Variants in CFAP95 observed in about 807,000 individuals in gnomAD.
The protein encoded by CFAP95 is cilia- and flagella-associated protein 95.
chr9:69,904,956 G>A, the CFAP95 span, among the ~76,000 whole-genome samples: 7 of 152,110 alleles, frequency 4.6e-5, no homozygotes, highest in African/African-American at 1.7e-4. Flanking sequence ...TGTAGTCCTG[G>A]CTTAGTCGCT....
At chr9:69,843,509 CCTCCTCCTCCTCCT>C in the CFAP95 span, among the ~76,000 whole-genome samples, 13 of 952 alleles carry the variant, frequency 0.014, no homozygotes, top group Non-Finnish European at 0.029. Flanking sequence ...CTCCCCCCCT[CCTCCTCCTCCTCCT>C]CCTCCTCCTC....
At chr9:69,859,411 A>G in the CFAP95 span, among the ~76,000 whole-genome samples, 40 of 152,032 alleles carry the variant, frequency 2.6e-4, no homozygotes, top group Non-Finnish European at 5.6e-4. Context: ...GAAAGTTTTA[A>G]TGATAGCTTT....
At chr9:69,823,520 A>G in the CFAP95 span, among the ~76,000 whole-genome samples, 1 of 152,180 alleles carries the variant, frequency 6.6e-6, no homozygotes, top group Non-Finnish European at 1.5e-5. Flanking sequence ...GCAACTGTAA[A>G]ATGGGGATGA....
chr9:69,846,881 G>A, the CFAP95 span, among the ~76,000 whole-genome samples: 3 of 152,226 alleles, frequency 2.0e-5, no homozygotes, highest in Non-Finnish European at 4.4e-5. Context: ...AAACCAGTAT[G>A]AGTAGTTATG....
chr9:69,849,221 C>G, the CFAP95 span, among the ~76,000 whole-genome samples: 3 of 152,070 alleles, frequency 2.0e-5, no homozygotes, highest in Non-Finnish European at 4.4e-5. Context: ...TATTTTGTTC[C>G]CTGTTTTCTC....
the CFAP95 span, chr9:69,856,711 A>G: frequency 6.9e-7 from 1 of 1,449,248 alleles, no homozygotes; most frequent in Non-Finnish European, 9.6e-7. Context: ...TAGAATGTGG[A>G]CATGCAGAAA....
chr9:69,884,855 C>CTT, the CFAP95 span, among the ~76,000 whole-genome samples: 2 of 151,222 alleles, frequency 1.3e-5, no homozygotes, highest in Non-Finnish European at 2.9e-5. Context: ...TTAGATTTGT[C>CTT]TTTAAAAAAA....
the CFAP95 span, among the ~76,000 whole-genome samples, chr9:69,847,976 C>T: frequency 6.6e-6 from 1 of 152,182 alleles, no homozygotes; most frequent in East Asian, 1.9e-4. Context: ...ATGCAAGATC[C>T]TCAAAGAAGA....
At chr9:69,856,703 G>T in the CFAP95 span, 1 of 1,505,698 alleles carries the variant, frequency 6.6e-7, no homozygotes, top group South Asian at 1.2e-5. Flanking sequence ...TTACTTTATA[G>T]AATGTGGACA....
chr9:69,847,184 G>A, the CFAP95 span, among the ~76,000 whole-genome samples: 1 of 152,142 alleles, frequency 6.6e-6, no homozygotes, highest in African/African-American at 2.4e-5. Flanking sequence ...TGCTGTGGGA[G>A]GGAAGGGGCA....
chr9:69,865,374 G>A, the CFAP95 span, among the ~76,000 whole-genome samples: 1 of 152,204 alleles, frequency 6.6e-6, no homozygotes, highest in Non-Finnish European at 1.5e-5. Flanking sequence ...GTGGGGTGAT[G>A]AAAGGCCATG....
chr9:69,897,152 C>T, the CFAP95 span, among the ~76,000 whole-genome samples: 1 of 152,156 alleles, frequency 6.6e-6, no homozygotes, highest in African/African-American at 2.4e-5. Context: ...AATAATGAAA[C>T]AAAATATCAC....
chr9:69,826,896 A>G, the CFAP95 span, among the ~76,000 whole-genome samples: 256 of 152,346 alleles, frequency 1.7e-3, 1 homozygote, highest in African/African-American at 5.9e-3. Context: ...CTATATTTAT[A>G]TTTTAATGAG....
At chr9:69,897,063 A>G in the CFAP95 span, among the ~76,000 whole-genome samples, 15 of 152,332 alleles carry the variant, frequency 9.8e-5, 1 homozygote, top group African/African-American at 3.6e-4. Flanking sequence ...TGTGTGCTTA[A>G]CTACCTTATT....
chr9:69,827,251 A>G, the CFAP95 span, among the ~76,000 whole-genome samples: 1 of 152,226 alleles, frequency 6.6e-6, no homozygotes, highest in East Asian at 1.9e-4. Flanking sequence ...TTATAATATC[A>G]TGCAGGCATT....
the CFAP95 span, among the ~76,000 whole-genome samples, chr9:69,845,263 A>G: frequency 7.2e-5 from 11 of 152,202 alleles, no homozygotes; most frequent in Non-Finnish European, 1.2e-4. Context: ...GTGTCTGTCC[A>G]GTCAGCATAA....
the CFAP95 span, among the ~76,000 whole-genome samples, chr9:69,863,969 T>C: frequency 6.6e-6 from 1 of 152,202 alleles, no homozygotes; most frequent in Admixed American, 6.5e-5. Context: ...GTTTTTTTGA[T>C]AGGGAAAAAT....
chr9:69,880,347 T>C, the CFAP95 span, among the ~76,000 whole-genome samples: 2 of 152,192 alleles, frequency 1.3e-5, no homozygotes, highest in South Asian at 2.1e-4. Context: ...TTCTACTCCC[T>C]ATGTCCATGA....
At chr9:69,861,568 T>C in the CFAP95 span, among the ~76,000 whole-genome samples, 1 of 151,998 alleles carries the variant, frequency 6.6e-6, no homozygotes, top group Non-Finnish European at 1.5e-5. Flanking sequence ...GGGAAGAGCT[T>C]TGGAGCAACA....
Sources: gnomAD v4.1 joint callset for allele counts (sites outside exome capture counted in the v4.1 genomes callset) on GRCh38, gnomAD v4.1.1 for gene constraint, MANE v1.5 for transcripts, NCBI Gene and HGNC (gene_info 2026-07-23, HGNC 2026-07-21) for gene names.